Variants in CSH1 observed in about 807,000 individuals in gnomAD.
CSH1 encodes chorionic somatomammotropin hormone 1, also known as Chorionic somatomammotropin hormone 2.
CSH1 carries 17 observed loss-of-function variants against 19.4 expected under a neutral mutation model. The ratio of observed to expected loss-of-function variants is 0.88; its 90% CI spans 0.60 to 1.31. CSH1 has a LOEUF of 1.31. Ranked by LOEUF, CSH1 falls within the 40% of genes most tolerant of loss-of-function variation. CSH1 has a pLI of 0.00. For missense variants in CSH1, 190 were observed against 243.1 expected (o/e 0.78, Z 1.45); for synonymous variants, 72 against 104.6 (o/e 0.69, Z 1.90).
intron 4 of CSH1, 33 bp from the exon 5 acceptor site, chr17:63,895,252 G>A (rs748609159): frequency 1.2e-6 from 2 of 1,612,876 alleles, no homozygotes; most frequent in Non-Finnish European, 1.7e-6. Context: ...GAGAGGCCAA[G>A]CGCTTGGGCA....
At chr17:63,895,294 C>T in intron 4 of CSH1, 75 bp from the exon 5 acceptor site, 1 of 1,612,774 alleles carries the variant, frequency 6.2e-7, no homozygotes. Context: ...TATCCATTTT[C>T]CTCCCTCCCC....
chr17:63,895,006 G>A lies in CSH1; in HGVS notation c.*16C>T, dbSNP rs754934805. The stretch of plus-strand genomic sequence containing the variant: ...GAGAGGCACTGGGGAGGGGTCACAG[G>A]ATGCTACTCGGGCACCTAGAAGCCA... On this transcript the variant is annotated 3_prime_UTR_variant, in exon 5 of 5. Transcript: ENST00000316193. 1 of 1,612,976 alleles carries A rather than the reference G, an allele frequency of 6.2e-7. No homozygotes were observed. The highest frequency in any genetic ancestry group is 2.2e-5 in the East Asian group (1 of 44,888).
chr17:63,895,079 G>A lies in CSH1; in HGVS notation c.597C>T (p.Val199=), dbSNP rs779294955. The A allele has an allele frequency of 1.3e-5, 21 of 1,612,744 alleles. No individual in the cohort carries two copies. Among genetic ancestry groups the A allele is most frequent in the Non-Finnish European group, 1.8e-5 (21 of 1,179,644 alleles). The change falls in exon 5 of 5, where the codon GTC becomes GTT. Residue 199 remains valine (V), a synonymous_variant. Coordinates refer to ENST00000316193, the MANE Select transcript of CSH1 (RefSeq NM_001317.6). The stretch of plus-strand genomic sequence containing the variant: ...ACTGCACCATGCGCAGGAATGTCTC[G>A]ACCTTGTCCATGTCCTTCCTGAAGC... The part of the protein sequence containing the change: ...LYCFRKDMDK[V]ETFLRMVQCR...
intron 4 of CSH1, 79 bp from the exon 5 acceptor site, chr17:63,895,298 C>T (rs2144693114): frequency 1.2e-6 from 2 of 1,612,776 alleles, no homozygotes; most frequent in East Asian, 4.5e-5. Flanking sequence ...CATTTTCCTC[C>T]CTCCCCTTCA....
intron 2 of CSH1, 44 bp downstream of exon 2, chr17:63,896,031 C>T (rs1463462853): frequency 1.2e-6 from 1 of 801,352 alleles, no homozygotes; most frequent in Non-Finnish European, 1.7e-6. Context: ...GAAAGTCACC[C>T]CTTCTTGCCA....
intron 1 of CSH1, 87 bp downstream of exon 1, chr17:63,896,415 T>A: frequency 1.9e-6 from 3 of 1,587,152 alleles, no homozygotes; most frequent in Non-Finnish European, 2.6e-6. Flanking sequence ...GCCCCAAACC[T>A]GAGGGTTAGT....
chr17:63,895,678 C>G (rs1424130114), intron 3 of CSH1, 41 bp from the exon 4 acceptor site: 2 of 1,414,014 alleles, frequency 1.4e-6, no homozygotes, highest in African/African-American at 3.6e-5. Context: ...TGCCCGGGAG[C>G]CCTGACCACA....
chr17:63,895,274 C>T (rs1283769499), intron 4 of CSH1, 55 bp from the exon 5 acceptor site: 3 of 1,612,870 alleles, frequency 1.9e-6, no homozygotes, highest in Admixed American at 3.3e-5. Context: ...TGTTCCCTCC[C>T]TCTCTCATTT....
At position 63,894,979 on chromosome 17, in the gene CSH1, AG is replaced by A. The variant is rs764321906; in HGVS notation, c.*42del. 6.2e-7 allele frequency: 1 copy of A among 1,612,808 alleles called. No homozygotes were observed. Among genetic ancestry groups the A allele is most frequent in the Non-Finnish European group, 8.5e-7 (1 of 1,179,520 alleles). On this transcript the variant is annotated 3_prime_UTR_variant, in exon 5 of 5. Coordinates refer to ENST00000316193, the MANE Select transcript of CSH1 (RefSeq NM_001317.6). ...GCACTGGAGTGGCACCTTCAGGGCC[AG>A]GAGAGGCACTGGGGAGGGGTCACAG...
chr17:63,895,257 T>C, intron 4 of CSH1, 38 bp from the exon 5 acceptor site: 2 of 1,612,860 alleles, frequency 1.2e-6, no homozygotes, highest in South Asian at 1.1e-5. Flanking sequence ...GCCAAGCGCT[T>C]GGGCACTGTT....
Position 63,895,016 on chromosome 17 carries a change from G to C in CSH1, c.*6C>G, listed in dbSNP as rs201378466. On this transcript the variant is annotated 3_prime_UTR_variant, in exon 5 of 5. Coordinates refer to ENST00000316193, the MANE Select transcript of CSH1 (RefSeq NM_001317.6). ...GGGGAGGGGTCACAGGATGCTACTC[G>C]GGCACCTAGAAGCCACAGCTGCCCT... The C allele has an allele frequency of 3.3e-4, 536 of 1,612,916 alleles. 7 individuals are homozygous for C. In the South Asian group the frequency reaches 5.2e-3, roughly 16 times the overall value.
intron 4 of CSH1, 95 bp downstream of exon 4, chr17:63,895,378 G>A (rs148091382): frequency 1.6e-5 from 25 of 1,612,664 alleles, no homozygotes; most frequent in Admixed American, 8.3e-5. Flanking sequence ...TTGGGTCAGC[G>A]CCTTACTGCT....
In CSH1 at chr17:63,896,521, G is replaced by A. The variant is rs1209229636; in HGVS notation, c.-10C>T. On this transcript the variant is annotated 5_prime_UTR_variant, in exon 1 of 5. Transcript: ENST00000316193. Reference sequence around the variant, plus strand: ...GCTTACCTGGAGCCATTGCCACTAGGTGAGCTGTCCACAGGACCCTGAGTG... The same window carrying A: ...GCTTACCTGGAGCCATTGCCACTAGATGAGCTGTCCACAGGACCCTGAGTG... 9 of 1,613,384 alleles carry A rather than the reference G, an allele frequency of 5.6e-6. No homozygotes were observed. Among genetic ancestry groups the A allele is most frequent in the Non-Finnish European group, 7.6e-6 (9 of 1,179,550 alleles).
intron 4 of CSH1, 67 bp downstream of exon 4, chr17:63,895,406 A>T: frequency 6.2e-7 from 1 of 1,612,540 alleles, no homozygotes; most frequent in Non-Finnish European, 8.5e-7. Flanking sequence ...GGGCAGCAGT[A>T]TTTCTCTCCC....
chr17:63,895,579 C>G lies in CSH1; in HGVS notation c.350G>C (p.Arg117Pro). ...GTTGGCGAACATACTCCTGAGGAAC[C>G]GCACGGGCTCCAGCCACGACTCGAT... is the stretch of plus-strand genomic sequence containing the variant. ...LLIESWLEPV[R>P]FLRSMFANNL... is the part of the protein sequence containing the mutation. The change falls in exon 4 of 5, where the codon CGG becomes CCG. Residue 117 changes from arginine to proline, a missense_variant. Physicochemically the swap from Arg to Pro is moderately radical, Grantham distance 103 (BLOSUM62 -2). Coordinates refer to ENST00000316193, the MANE Select transcript of CSH1 (RefSeq NM_001317.6). 1 of 1,592,290 alleles carries G rather than the reference C, an allele frequency of 6.3e-7. No homozygotes were observed. Among genetic ancestry groups the G allele is most frequent in the Non-Finnish European group, 8.5e-7 (1 of 1,173,304 alleles).
chr17:63,896,329 C>G, intron 1 of CSH1, 94 bp from the exon 2 acceptor site: 1 of 1,603,432 alleles, frequency 6.2e-7, no homozygotes, highest in Non-Finnish European at 8.5e-7. Context: ...TTCTCTCTCT[C>G]CATCCCTCCA....
intron 1 of CSH1, 24 bp from the exon 2 acceptor site, chr17:63,896,259 G>A: frequency 6.5e-7 from 1 of 1,536,832 alleles, no homozygotes; most frequent in Non-Finnish European, 8.7e-7. Context: ...GGAGGGCAAT[G>A]GAGGGAGCCG....
rs1249782302 is a variant in CSH1 at position 63,894,939 on chromosome 17, G to A, written c.*83C>T. On this transcript the variant is annotated 3_prime_UTR_variant, in exon 5 of 5. Transcript: ENST00000316193. ...GAAATGATACAACTTAATTTTATTAGGACAAGGCTGGTGGGCACTGGAGTG... is the reference window on the plus strand; with the variant it reads ...GAAATGATACAACTTAATTTTATTAAGACAAGGCTGGTGGGCACTGGAGTG... 1.9e-5 allele frequency: 30 copies of A among 1,607,234 alleles called. 1 individual carries two copies. The highest frequency in any genetic ancestry group is 1.7e-4 in the Middle Eastern group (1 of 6,000).
In CSH1 at chr17:63,895,370, G is replaced by A. The variant is rs757374717; in HGVS notation, c.456+103C>T. 5 of 1,612,658 alleles carry A rather than the reference G, an allele frequency of 3.1e-6. No homozygotes were observed. In the East Asian group the frequency reaches 1.1e-4, roughly 36 times the overall value. On this transcript the variant is annotated intron_variant, in intron 4 of 4. Transcript: ENST00000316193. ...AATGAAGAATAAGGTGAGTTCTCTT[G>A]GGTCAGCGCCTTACTGCTAAAAAGA...
Sources: allele counts gnomAD v4.1 joint callset, GRCh38; gene constraint gnomAD v4.1.1; transcripts MANE v1.5; gene names NCBI Gene and HGNC (gene_info 2026-07-23, HGNC 2026-07-21).